CHIA: variants seen among roughly 807,000 people sequenced by gnomAD.
CHIA encodes the protein chitinase acidic, also known as acidic mammalian chitinase.
Under a neutral mutation model 53.5 loss-of-function variants are expected in CHIA, and 47 were observed. The ratio of observed to expected loss-of-function variants is 0.88; its 90% CI spans 0.70 to 1.12. CHIA has a LOEUF of 1.12. Ranked by LOEUF, CHIA falls within the 50% of genes most tolerant of loss-of-function variation. The pLI is 0.00. For missense variants in CHIA, 652 were observed against 592.2 expected (o/e 1.10, Z -1.05); for synonymous variants, 268 against 222.2 (o/e 1.21, Z -1.83).
intron 1 of CHIA, among the ~76,000 whole-genome samples, chr1:111,293,273 TC>T (rs1482882670): frequency 2.0e-5 from 3 of 152,214 alleles, no homozygotes. Context: ...ATAGTAGCCA[TC>T]CTAGTGGATA....
intron 1 of CHIA, among the ~76,000 whole-genome samples, chr1:111,301,821 G>T (rs571774121): frequency 9.6e-4 from 145 of 151,548 alleles, no homozygotes; most frequent in Middle Eastern, 3.4e-3. Flanking sequence ...ACCATATACC[G>T]CATGTTCTTA....
intron 4 of CHIA, 123 bp downstream of exon 4, chr1:111,312,514 T>C: frequency 6.4e-6 from 5 of 779,546 alleles, no homozygotes; most frequent in Non-Finnish European, 1.1e-5. Context: ...TGCATTTCAT[T>C]TTTCTTTTAT....
At chr1:111,293,768 T>A (rs1471861288) in intron 1 of CHIA, among the ~76,000 whole-genome samples, 1 of 152,168 alleles carries the variant, frequency 6.6e-6, no homozygotes, top group Admixed American at 6.5e-5. Context: ...TTGCCTATGA[T>A]GTTAGAAAAT....
Position 111,292,106 on chromosome 1 carries a change from A to G in CHIA, c.-69+1156A>G, listed in dbSNP as rs973805409. On this transcript the variant is annotated intron_variant, in intron 1 of 11. Transcript: ENST00000369740. ...GTGTGCAAACTCCCCTTTCCCCTAT[A>G]ATTACTCCTCAGCTATCCAAGGACT... Among the ~76,000 whole-genome samples the G allele has an allele frequency of 2.0e-5, 3 of 152,172 alleles. No individual in the cohort carries two copies. The East Asian group carries it at 5.8e-4, about 29-fold the overall frequency.
intron 11 of CHIA, among the ~76,000 whole-genome samples, chr1:111,319,765 T>A (rs1236142191): frequency 6.6e-6 from 1 of 152,182 alleles, no homozygotes; most frequent in Non-Finnish European, 1.5e-5. Flanking sequence ...TCTCTATGAA[T>A]CCCTTATTCA....
At chr1:111,307,135 A>T (rs1039905505) in intron 1 of CHIA, among the ~76,000 whole-genome samples, 1 of 152,214 alleles carries the variant, frequency 6.6e-6, no homozygotes, top group Non-Finnish European at 1.5e-5. Context: ...AATGAGTACC[A>T]AGAGACATGT....
chr1:111,310,025 C>A (rs557148628), intron 1 of CHIA, among the ~76,000 whole-genome samples: 1 of 152,124 alleles, frequency 6.6e-6, no homozygotes, highest in African/African-American at 2.4e-5. Context: ...ATGAATAATT[C>A]CATGAGGAAA....
rs192748947 is a variant in CHIA, at chr1:111,315,109, G to A, written c.315-161G>A. The A allele has an allele frequency of 2.1e-5, 13 of 629,390 alleles. No homozygotes were observed. In the African/African-American group the frequency reaches 2.2e-4, roughly 11 times the overall value. The allele number at this position is 629,390 out of a possible 1,614,324, so 39.0% of individuals were successfully genotyped here. On this transcript the variant is annotated intron_variant, in intron 5 of 11. Coordinates refer to ENST00000369740, the MANE Select transcript of CHIA (RefSeq NM_201653.4). The stretch of plus-strand genomic sequence containing the variant: ...TGTTAAGATACCATGGCTGGGAAGA[G>A]TAGTGATTACAAAGGAAGGAGAGGA...
At chr1:111,296,095 G>C (rs1424180472) in intron 1 of CHIA, among the ~76,000 whole-genome samples, 2 of 152,222 alleles carry the variant, frequency 1.3e-5, no homozygotes, top group Non-Finnish European at 2.9e-5. Flanking sequence ...AGCTCAGCAA[G>C]GCTGGCTGCC....
In CHIA at chr1:111,320,387, T is replaced by A. The variant is rs750838913; in HGVS notation, c.1352T>A (p.Val451Glu). The change falls in exon 12 of 12, where the codon GTG becomes GAG. Residue 451 changes from valine (V) to glutamate (E), a missense_variant. Coordinates refer to ENST00000369740, the MANE Select transcript of CHIA (RefSeq NM_201653.4). ...ANNRNAFWHC[V>E]NGVTYQQNCQ... is the part of the protein sequence containing the mutation. ...AACAGAAATGCCTTCTGGCACTGCG[T>A]GAATGGAGTCACGTACCAGCAGAAC... 2 of 1,614,210 alleles carry A rather than the reference T, an allele frequency of 1.2e-6. No homozygotes were observed. Among genetic ancestry groups the A allele is most frequent in the East Asian group, 4.5e-5 (2 of 44,884 alleles).
Position 111,319,172 on chromosome 1 carries a change from A to T in CHIA, c.968A>T (p.Glu323Val). 6.2e-7 allele frequency: 1 copy of T among 1,614,202 alleles called. No individual in the cohort carries two copies. The change falls in exon 10 of 12, where the codon GAA becomes GTA. Residue 323 changes from glutamate (E) to valine (V), a missense_variant. Coordinates refer to ENST00000369740, the MANE Select transcript of CHIA (RefSeq NM_201653.4). ...GATQGWDAPQ[E>V]VPYAYQGNVW... is the part of the protein sequence containing the mutation. ...ACTCAGGGATGGGATGCCCCTCAGG[A>T]AGTGCCTTATGCCTATCAGGGCAAT...
intron 4 of CHIA, among the ~76,000 whole-genome samples, chr1:111,312,804 C>T (rs1034036360): frequency 2.0e-5 from 3 of 149,596 alleles, no homozygotes; most frequent in Non-Finnish European, 4.5e-5. Flanking sequence ...CAACCCCCAT[C>T]CCCACACCAC....
chr1:111,319,402 T>C lies in CHIA; in HGVS notation c.1111T>C (p.Phe371Leu), dbSNP rs754167131. The C allele has an allele frequency of 1.9e-6, 3 of 1,614,192 alleles. No homozygotes were observed. The Admixed American group carries it at 5.0e-5, about 27-fold the overall frequency. Residue 371 changes from phenylalanine (F) to leucine (L), a missense_variant, in exon 11 of 12, where the codon TTC becomes CTC. Phe to Leu is a conservative substitution (Grantham distance 22). Coordinates refer to ENST00000369740, the MANE Select transcript of CHIA (RefSeq NM_201653.4). ...AIDLDDFTGTFCNQGKFPLIS... is the reference protein window; with the variant it reads ...AIDLDDFTGTLCNQGKFPLIS... Reference sequence around the variant, plus strand: ...TGATCTGGATGACTTCACTGGCACTTTCTGCAACCAGGGCAAGTTTCCCCT... The same window carrying C: ...TGATCTGGATGACTTCACTGGCACTCTCTGCAACCAGGGCAAGTTTCCCCT...
Position 111,318,505 on chromosome 1 carries a change from A to T in CHIA, c.742A>T (p.Asn248Tyr). Residue 248 changes from asparagine (N) to tyrosine (Y), a missense_variant, in exon 9 of 12, where the codon AAC becomes TAC. Physicochemically the swap from Asn to Tyr is moderately radical, Grantham distance 143 (BLOSUM62 -2). Coordinates refer to ENST00000369740, the MANE Select transcript of CHIA (RefSeq NM_201653.4). ...ACTGACATTGCAGGATTATGTCATG[A>T]ACTACTGGAAGGACAATGGAGCACC... ...NAYLNVDYVM[N>Y]YWKDNGAPAE... The T allele has an allele frequency of 1.2e-6, 2 of 1,613,782 alleles. No homozygotes were observed. The highest frequency in any genetic ancestry group is 1.7e-6 in the Non-Finnish European group (2 of 1,179,774).
intron 9 of CHIA, 113 bp downstream of exon 9, chr1:111,318,791 A>G: frequency 8.4e-7 from 1 of 1,197,590 alleles, no homozygotes; most frequent in Non-Finnish European, 1.2e-6. Context: ...TGCTTTAAAC[A>G]CAGCTGCTTA....
intron 1 of CHIA, among the ~76,000 whole-genome samples, chr1:111,292,542 T>A (rs1451876688): frequency 6.6e-6 from 1 of 152,214 alleles, no homozygotes; most frequent in Non-Finnish European, 1.5e-5. Flanking sequence ...CAGTCTCCGT[T>A]ATCTTTTTTT....
At chr1:111,307,215 A>T (rs1368035745) in intron 1 of CHIA, among the ~76,000 whole-genome samples, 1 of 152,254 alleles carries the variant, frequency 6.6e-6, no homozygotes, top group African/African-American at 2.4e-5. Context: ...TGTTACACAT[A>T]AAAAGGATAA....
intron 2 of CHIA, among the ~76,000 whole-genome samples, chr1:111,311,343 A>C (rs1403654675): frequency 6.6e-6 from 1 of 152,192 alleles, no homozygotes; most frequent in African/African-American, 2.4e-5. Context: ...GTGTTCTATC[A>C]CTCAGGTAGG....
chr1:111,304,551 G>A (rs1193230391), intron 1 of CHIA, among the ~76,000 whole-genome samples: 3 of 152,034 alleles, frequency 2.0e-5, no homozygotes, highest in Non-Finnish European at 4.4e-5. Context: ...TTCCATTTCA[G>A]TTATATTACT....
Sources: gnomAD v4.1 joint callset for allele counts (sites outside exome capture counted in the v4.1 genomes callset) on GRCh38, gnomAD v4.1.1 for gene constraint, MANE v1.5 for transcripts, NCBI Gene and HGNC (gene_info 2026-07-23, HGNC 2026-07-21) for gene names.